GLCCI1: variants seen among roughly 807,000 people sequenced by gnomAD.
GLCCI1 encodes the protein glucocorticoid-induced transcript 1 protein.
A neutral mutation model predicts 52.2 loss-of-function variants in GLCCI1; 24 were observed. The observed-to-expected ratio is 0.46, with a 90% CI of 0.33 to 0.65. The LOEUF is 0.65. GLCCI1 is among the 30% of genes least tolerant of loss of function. GLCCI1 has a pLI of 0.02. For missense variants in GLCCI1, 704 were observed against 701.5 expected, an observed-to-expected ratio of 1.00 and a Z score of -0.04; for synonymous variants, 310 against 276.5, an observed-to-expected ratio of 1.12 and a Z score of -1.20.
intron 2 of GLCCI1, among the ~76,000 whole-genome samples, chr7:8,013,884 A>G (rs1289763411): frequency 6.6e-6 from 1 of 152,020 alleles, no homozygotes; most frequent in Non-Finnish European, 1.5e-5. Flanking sequence ...TAGTAATTCT[A>G]CATCCTTTTC....
intron 3 of GLCCI1, among the ~76,000 whole-genome samples, chr7:8,027,651 T>C (rs898925587): frequency 6.7e-6 from 1 of 149,110 alleles, no homozygotes; most frequent in Non-Finnish European, 1.5e-5. Flanking sequence ...GACTAAACTC[T>C]CCAAACAAAA....
chr7:7,969,153 C>T lies in GLCCI1; in HGVS notation c.-198C>T, dbSNP rs908156805. ...GCCGTTGGACGTTTGTTTTCGCAGC[C>T]TTCCCCTCCCCCCTCGCCGAGGCGG... On this transcript the variant is annotated 5_prime_UTR_variant, in exon 1 of 8. Transcript: ENST00000223145. This position sits in a 1 kb window ranked among gnomAD's most constrained non-coding sequence, Gnocchi z 4.9. The T allele has an allele frequency of 4.6e-6, 2 of 434,264 alleles. No homozygotes were observed. The highest frequency in any genetic ancestry group is 6.7e-6 in the Non-Finnish European group (2 of 298,606). 26.9% of individuals were successfully genotyped at this position (434,264 alleles called of 1,614,324 possible).
intron 5 of GLCCI1, among the ~76,000 whole-genome samples, chr7:8,066,738 C>G (rs1020743100): frequency 6.6e-6 from 1 of 151,810 alleles, no homozygotes; most frequent in African/African-American, 2.4e-5. Flanking sequence ...GTACTGTGGT[C>G]CAAGAGTGTG....
chr7:7,998,662 T>C (rs978624625), intron 1 of GLCCI1, among the ~76,000 whole-genome samples: 1 of 152,210 alleles, frequency 6.6e-6, no homozygotes, highest in African/African-American at 2.4e-5. Context: ...CCTTAGAGTG[T>C]TTTGTATTTA....
At chr7:8,010,745 A>G (rs1220377063) in intron 2 of GLCCI1, among the ~76,000 whole-genome samples, 2 of 152,174 alleles carry the variant, frequency 1.3e-5, no homozygotes, top group South Asian at 2.1e-4. Flanking sequence ...TAAAAAAAGT[A>G]TTATTAACAG....
intron 3 of GLCCI1, among the ~76,000 whole-genome samples, chr7:8,035,739 C>T (rs1032415799): frequency 1.3e-5 from 2 of 152,150 alleles, no homozygotes; most frequent in Non-Finnish European, 2.9e-5. Context: ...TTGTCTGTCC[C>T]GTCAGAGTGT....
rs1782749871 is a variant in GLCCI1 at position 8,070,999 on chromosome 7, C to A, written c.1045C>A (p.Gln349Lys). 3 of 1,614,210 alleles carry A rather than the reference C, an allele frequency of 1.9e-6. No individual in the cohort carries two copies. The highest frequency in any genetic ancestry group is 1.7e-6 in the Non-Finnish European group (2 of 1,180,020). ...CAGTAGTACTCGCAGCATTGACACT[C>A]AGACTCCTTCTGTCCAGGAGCGCAG... ...RSSSTRSIDT[Q>K]TPSVQERSSS... The change falls in exon 6 of 8, where the codon CAG (glutamine) becomes AAG (lysine). Residue 349 changes from glutamine (Q) to lysine (K), a missense_variant. Physicochemically the swap from Gln to Lys is moderately conservative, Grantham distance 53. Coordinates refer to ENST00000223145, the MANE Select transcript of GLCCI1 (RefSeq NM_138426.4).
At chr7:8,003,631 A>AG (rs1781089344) in intron 1 of GLCCI1, among the ~76,000 whole-genome samples, 1 of 152,224 alleles carries the variant, frequency 6.6e-6, no homozygotes, top group Non-Finnish European at 1.5e-5. Context: ...AGTCTTAATT[A>AG]AAATAATGGC....
chr7:8,037,205 C>A lies in GLCCI1; in HGVS notation c.696+14636C>A, dbSNP rs78925849. Among the ~76,000 whole-genome samples, 10 of 152,300 alleles carry A rather than the reference C, an allele frequency of 6.6e-5. No homozygotes were observed. In the East Asian group the frequency reaches 1.9e-3, roughly 29 times the overall value. The stretch of plus-strand genomic sequence containing the variant: ...CTTACAGCAGAATGCTCAGCAGAAA[C>A]TCTATAAGCCAGAAGAGGTTGGGTG... On this transcript the variant is annotated intron_variant, in intron 3 of 7. Coordinates refer to ENST00000223145, the MANE Select transcript of GLCCI1 (RefSeq NM_138426.4).
chr7:7,972,877 C>T (rs1012411180), intron 1 of GLCCI1, among the ~76,000 whole-genome samples: 3 of 152,078 alleles, frequency 2.0e-5, no homozygotes, highest in Admixed American at 6.5e-5. Context: ...TGCCAAATAC[C>T]TTGCTGTATA....
chr7:7,969,656 C>T lies in GLCCI1; in HGVS notation c.306C>T (p.Arg102=). The T allele has an allele frequency of 1.0e-6, 1 of 1,003,390 alleles. No individual in the cohort carries two copies. Among genetic ancestry groups the T allele is most frequent in the Non-Finnish European group, 1.2e-6 (1 of 846,220 alleles). 62.2% of individuals were successfully genotyped at this position (1,003,390 alleles called of 1,614,324 possible). A position where few individuals can be genotyped will look rare whatever the true frequency, so the allele number is the denominator to read the frequency against. Residue 102 remains arginine, a synonymous_variant, in exon 1 of 8, where the codon CGC becomes CGT. Coordinates refer to ENST00000223145, the MANE Select transcript of GLCCI1 (RefSeq NM_138426.4). This position sits in a 1 kb window ranked among gnomAD's most constrained non-coding sequence, Gnocchi z 4.9. ...LGSLPGPGAA[R]GPSPSSPTPP... is the part of the protein sequence containing the mutation. Reference sequence around the variant, plus strand: ...GCCTCCCGGGGCCCGGCGCGGCCCGCGGCCCCAGCCCGTCCAGCCCGACGC... The same window carrying T: ...GCCTCCCGGGGCCCGGCGCGGCCCGTGGCCCCAGCCCGTCCAGCCCGACGC...
intron 1 of GLCCI1, among the ~76,000 whole-genome samples, chr7:7,996,431 C>A (rs12537819): frequency 0.14 from 20,629 of 151,962 alleles, 1,524 homozygotes; most frequent in Admixed American, 0.19. Flanking sequence ...AAAAAGTATT[C>A]CAAATATCAG....
chr7:8,021,696 C>T (rs1297308617), intron 2 of GLCCI1, among the ~76,000 whole-genome samples: 1 of 152,214 alleles, frequency 6.6e-6, no homozygotes, highest in African/African-American at 2.4e-5. Flanking sequence ...AGCCACCATG[C>T]TCAGCCTATT....
chr7:7,994,899 C>G (rs1382543327), intron 1 of GLCCI1, among the ~76,000 whole-genome samples: 1 of 152,202 alleles, frequency 6.6e-6, no homozygotes, highest in African/African-American at 2.4e-5. Context: ...CTCACACACT[C>G]TCCATATTTG....
At position 8,078,107 on chromosome 7, in the gene GLCCI1, A is replaced by G. The variant is rs564613500; in HGVS notation, c.1178-6790A>G. 7.6e-3 allele frequency among the ~76,000 whole-genome samples: 1,143 copies of G among 150,028 alleles called. 5 individuals are homozygous for G. Among genetic ancestry groups the G allele is most frequent in the South Asian group, 0.015 (69 of 4,690 alleles). ...AAATGAGCCGGGCGTGGTGGCGGGC[A>G]CCTGTAGTCCCAGCTACTCGGGAGG... On this transcript the variant is annotated intron_variant, in intron 6 of 7. Coordinates refer to ENST00000223145, the MANE Select transcript of GLCCI1 (RefSeq NM_138426.4).
chr7:8,081,973 A>G (rs1436907090), intron 6 of GLCCI1, among the ~76,000 whole-genome samples: 1 of 152,206 alleles, frequency 6.6e-6, no homozygotes, highest in African/African-American at 2.4e-5. Flanking sequence ...GTAACATTTA[A>G]CCTAATCTCA....
In GLCCI1 at chr7:7,982,083, G is replaced by A. The variant is rs192848832; in HGVS notation, c.457+12276G>A. The A allele has an allele frequency of 2.6e-4, 120 of 468,348 alleles. No homozygotes were observed. The East Asian group carries it at 3.9e-3, about 15-fold the overall frequency. 29.0% of individuals were successfully genotyped at this position (468,348 alleles called of 1,614,324 possible). ...AGAGACCGAACTCAGAACTGAAGTCGTAGCTGATCGCAAGAGAGGAATGGC... is the reference window on the plus strand; with the variant it reads ...AGAGACCGAACTCAGAACTGAAGTCATAGCTGATCGCAAGAGAGGAATGGC... On this transcript the variant is annotated intron_variant, in intron 1 of 7. Transcript: ENST00000223145.
chr7:8,057,221 C>T (rs1009299023), intron 4 of GLCCI1, among the ~76,000 whole-genome samples: 2 of 151,928 alleles, frequency 1.3e-5, no homozygotes, highest in Non-Finnish European at 2.9e-5. Flanking sequence ...GAAATAAAAG[C>T]ATATGTCCAC....
intron 1 of GLCCI1, among the ~76,000 whole-genome samples, chr7:7,990,391 G>C (rs1780814671): frequency 6.6e-6 from 1 of 152,014 alleles, no homozygotes; most frequent in Non-Finnish European, 1.5e-5. Flanking sequence ...GACTCTTTTT[G>C]ACAAAGATAA....
Sources: gnomAD v4.1 joint callset for allele counts (sites outside exome capture counted in the v4.1 genomes callset) on GRCh38, gnomAD v4.1.1 for gene constraint, Gnocchi (gnomAD v3.1) non-coding constraint, MANE v1.5 for transcripts, NCBI Gene and HGNC (gene_info 2026-07-23, HGNC 2026-07-21) for gene names.